Variants in PDE4D observed in about 807,000 individuals in gnomAD.
PDE4D encodes the protein 3',5'-cyclic-AMP phosphodiesterase 4D.
PDE4D carries 24 observed loss-of-function variants against 87.4 expected under a neutral mutation model. The observed-to-expected ratio is 0.27, with a 90% CI of 0.20 to 0.39. The LOEUF (loss-of-function observed/expected upper bound fraction) is 0.39. Among genes scored for constraint, PDE4D ranks in the 10% least tolerant of loss-of-function variants. The probability of loss-of-function intolerance (pLI) is 1.00; values close to 1 mark genes in which losing one functional copy is unlikely to be tolerated. For missense variants in PDE4D, 714 were observed against 1,041.0 expected, an observed-to-expected ratio of 0.69 and a Z score of 4.32; for synonymous variants, 384 against 383.2, an observed-to-expected ratio of 1.00 and a Z score of -0.02.
At chr5:59,869,213 G>T (rs940432205) in intron 1 of PDE4D, among the ~76,000 whole-genome samples, 3 of 152,086 alleles carry the variant, frequency 2.0e-5, no homozygotes, top group Non-Finnish European at 4.4e-5. Flanking sequence ...TCCCTAACAG[G>T]GCCAACTGGC....
intron 1 of PDE4D, among the ~76,000 whole-genome samples, chr5:60,195,904 A>G (rs535284914): frequency 1.3e-5 from 2 of 151,926 alleles, no homozygotes; most frequent in South Asian, 4.2e-4. Context: ...GGAAAGGAAC[A>G]TGAAAGTAGA....
At chr5:60,306,489 A>G (rs1204848374) in intron 1 of PDE4D, among the ~76,000 whole-genome samples, 1 of 152,110 alleles carries the variant, frequency 6.6e-6, no homozygotes, top group Non-Finnish European at 1.5e-5. Flanking sequence ...TAAAAAACAA[A>G]ACAGAATGAC....
intron 1 of PDE4D, among the ~76,000 whole-genome samples, chr5:60,276,813 A>AT (rs201053363): frequency 0.013 from 1,954 of 147,326 alleles, 55 homozygotes; most frequent in East Asian, 0.13. Context: ...TGTCACTAGT[A>AT]TTTTTTTTTT....
At chr5:60,267,756 A>G (rs1394693039) in intron 1 of PDE4D, among the ~76,000 whole-genome samples, 1 of 152,154 alleles carries the variant, frequency 6.6e-6, no homozygotes, top group Non-Finnish European at 1.5e-5. Context: ...AGGGCTTAAC[A>G]ACTTGCAAAA....
chr5:59,463,074 T>G (rs978880380), intron 1 of PDE4D, among the ~76,000 whole-genome samples: 1 of 152,230 alleles, frequency 6.6e-6, no homozygotes, highest in African/African-American at 2.4e-5. Context: ...GACTGTATAT[T>G]GAGAAGGTGT....
chr5:60,436,712 C>A (rs1744784395), intron 1 of PDE4D, among the ~76,000 whole-genome samples: 1 of 152,008 alleles, frequency 6.6e-6, no homozygotes, highest in African/African-American at 2.4e-5. Flanking sequence ...CTTCTCAGGC[C>A]ACTAGGATGC....
At chr5:59,390,423 G>A (rs1415873148) in intron 1 of PDE4D, among the ~76,000 whole-genome samples, 2 of 152,094 alleles carry the variant, frequency 1.3e-5, no homozygotes, top group African/African-American at 2.4e-5. Flanking sequence ...TAATGTTTTT[G>A]TGTGAGTGGA....
At chr5:59,610,690 T>C (rs184030033) in intron 1 of PDE4D, among the ~76,000 whole-genome samples, 1 of 152,238 alleles carries the variant, frequency 6.6e-6, no homozygotes. Flanking sequence ...CATTAGTCCT[T>C]TGGATGGGAT....
intron 1 of PDE4D, among the ~76,000 whole-genome samples, chr5:59,767,666 A>C (rs543448355): frequency 6.6e-6 from 1 of 152,318 alleles, no homozygotes; most frequent in Non-Finnish European, 1.5e-5. Flanking sequence ...ACCAGCCTGC[A>C]ACTTTCTGCG....
chr5:59,917,309 A>C (rs1754174304), intron 3 of PDE4D, among the ~76,000 whole-genome samples: 1 of 152,112 alleles, frequency 6.6e-6, no homozygotes, highest in South Asian at 2.1e-4. Context: ...GCTGAACTCT[A>C]ACCATCAGCT....
At chr5:59,104,767 G>A (rs950743070) in intron 5 of PDE4D, among the ~76,000 whole-genome samples, 1 of 152,082 alleles carries the variant, frequency 6.6e-6, no homozygotes, top group East Asian at 1.9e-4. Context: ...GAGGGAAGGA[G>A]ACAGGCAGAA....
At chr5:60,430,999 C>A (rs555340953) in intron 1 of PDE4D, 283 of 269,088 alleles carry the variant, frequency 1.1e-3, no homozygotes, top group African/African-American at 6.4e-3. Flanking sequence ...ACCTTTCCCC[C>A]CTTTCTATTC....
At chr5:59,346,239 A>G (rs1779584185) in intron 1 of PDE4D, among the ~76,000 whole-genome samples, 1 of 152,138 alleles carries the variant, frequency 6.6e-6, no homozygotes, top group Non-Finnish European at 1.5e-5. Context: ...GGAGCTGGTA[A>G]TATTTTGATT....
chr5:59,574,062 ATATATATATT>A lies in PDE4D; in HGVS notation c.455+319096_455+319105del, dbSNP rs1269940653. On this transcript the variant is annotated intron_variant, in intron 1 of 14. Coordinates refer to ENST00000340635, the MANE Select transcript of PDE4D (RefSeq NM_001104631.2). ...TATTTATATATATTTATATATAAAA[ATATATATATT>A]TATATATATATTTATATATATAAAT... is the stretch of plus-strand genomic sequence containing the variant. 8.2e-3 allele frequency among the ~76,000 whole-genome samples: 251 copies of A among 30,702 alleles called. 1 individual carries two copies. Among genetic ancestry groups the A allele is most frequent in the African/African-American group, 0.031 (235 of 7,602 alleles). The allele number at this position is 30,702 out of a possible 152,430, so 20.1% of individuals were successfully genotyped here. A position where few individuals can be genotyped will look rare whatever the true frequency, so the allele number is the denominator to read the frequency against.
At chr5:59,768,129 A>G in intron 1 of PDE4D, 2 of 1,290,844 alleles carry the variant, frequency 1.5e-6, no homozygotes, top group Non-Finnish European at 2.1e-6. Flanking sequence ...CTTGGCCATA[A>G]ATCCCCGGTG....
intron 2 of PDE4D, among the ~76,000 whole-genome samples, chr5:60,029,808 A>G (rs1411762620): frequency 6.6e-6 from 1 of 152,054 alleles, no homozygotes. Context: ...ATGGAGGTCA[A>G]GTGCTTGTTG....
chr5:60,195,307 C>T (rs780155560), intron 1 of PDE4D, among the ~76,000 whole-genome samples: 1 of 151,642 alleles, frequency 6.6e-6, no homozygotes, highest in African/African-American at 2.4e-5. Context: ...TTTAATTGTA[C>T]GTCACTGCCA....
At chr5:59,877,831 GAA>G (rs1748843836) in intron 1 of PDE4D, among the ~76,000 whole-genome samples, 1 of 151,844 alleles carries the variant, frequency 6.6e-6, no homozygotes, top group African/African-American at 2.4e-5. Context: ...AAAAGAGAAA[GAA>G]AAGTTTAGAC....
At chr5:59,649,300 G>T (rs369840350) in intron 1 of PDE4D, among the ~76,000 whole-genome samples, 4 of 152,238 alleles carry the variant, frequency 2.6e-5, no homozygotes, top group African/African-American at 9.6e-5. Context: ...AACTCTTCAA[G>T]GCAACAGCAT....
Sources: allele counts gnomAD v4.1 joint callset (sites outside exome capture counted in the v4.1 genomes callset), GRCh38; gene constraint gnomAD v4.1.1; transcripts MANE v1.5; gene names NCBI Gene and HGNC (gene_info 2026-07-23, HGNC 2026-07-21).